The following POLK variants were observed in gnomAD, a reference collection of about 807,000 sequenced individuals.
The protein encoded by POLK is DNA polymerase kappa.
In POLK, 76 loss-of-function variants were observed where a neutral mutation model predicts 94.0. That is an observed-to-expected ratio of 0.81 (90% CI 0.67 to 0.98). The LOEUF (loss-of-function observed/expected upper bound fraction) is 0.98. Among genes scored for constraint, POLK ranks in the 50% least tolerant of loss-of-function variants. The probability of loss-of-function intolerance (pLI) is 0.00; values close to 1 mark genes in which losing one functional copy is unlikely to be tolerated. For synonymous variants in POLK, 349 were observed against 325.4 expected (o/e 1.07, Z -0.78); for missense variants, 954 against 1,010.1 (o/e 0.94, Z 0.75).
chr5:75,521,779 T>C (rs896275329), intron 1 of POLK, among the ~76,000 whole-genome samples: 3 of 149,082 alleles, frequency 2.0e-5, no homozygotes, highest in Admixed American at 6.7e-5. Context: ...TTTTTTTTTT[T>C]CTGCTAGGTC....
intron 1 of POLK, among the ~76,000 whole-genome samples, chr5:75,532,649 T>C (rs1014071891): frequency 6.6e-6 from 1 of 152,258 alleles, no homozygotes; most frequent in Non-Finnish European, 1.5e-5. Flanking sequence ...TTAAGTTCTT[T>C]GAGAAATTGC....
At chr5:75,559,607 G>A (rs1351558108) in intron 3 of POLK, among the ~76,000 whole-genome samples, 2 of 142,480 alleles carry the variant, frequency 1.4e-5, no homozygotes, top group Non-Finnish European at 3.0e-5. Flanking sequence ...TACCATCATG[G>A]CTCACTACAA....
Position 75,536,741 on chromosome 5 carries a change from G to T in POLK, c.-13-10269G>T, listed in dbSNP as rs543997679. 2.6e-5 allele frequency among the ~76,000 whole-genome samples: 4 copies of T among 152,286 alleles called. No homozygotes were observed. The South Asian group carries it at 8.3e-4, about 32-fold the overall frequency. ...GTTGCCCCCCAGCTACCAGAGGCAG[G>T]GATGGGCAGGGTGACATGCTGTCTT... On this transcript the variant is annotated intron_variant, in intron 1 of 14. Transcript: ENST00000241436.
At chr5:75,563,903 A>G (rs1771126227) in intron 3 of POLK, among the ~76,000 whole-genome samples, 1 of 152,166 alleles carries the variant, frequency 6.6e-6, no homozygotes, top group African/African-American at 2.4e-5. Flanking sequence ...GTAGATGTCT[A>G]TTAGGTCTGC....
chr5:75,522,028 G>A (rs1768612133), intron 1 of POLK, among the ~76,000 whole-genome samples: 1 of 152,244 alleles, frequency 6.6e-6, no homozygotes, highest in South Asian at 2.1e-4. Flanking sequence ...TTAAAGAGCA[G>A]AGTTTCCAAG....
At chr5:75,552,474 G>A (rs754178227) in exon 3 of POLK, 4 of 1,610,666 alleles carry the variant, frequency 2.5e-6, no homozygotes, top group Admixed American at 1.7e-5. Flanking sequence ...CTCCATAGGG[G>A]TCCAGATTTT....
upstream of POLK, chr5:75,511,605 C>G (rs1768010780): frequency 6.8e-7 from 1 of 1,467,990 alleles, no homozygotes; most frequent in Non-Finnish European, 9.0e-7. Context: ...CTACCGCCGC[C>G]ATCTTCCTGC....
chr5:75,548,432 T>A lies in POLK; in HGVS notation c.135+1275T>A, dbSNP rs193280303. ...TCAAGGTTATAAAAGAATTCTTTAA[T>A]TTTTTTACCACTTTTTTGTTTCATT... On this transcript the variant is annotated intron_variant, in intron 2 of 14. Coordinates refer to ENST00000241436, the Ensembl canonical transcript of POLK. Among the ~76,000 whole-genome samples the A allele has an allele frequency of 2.4e-4, 36 of 151,010 alleles. 1 individual carries two copies. Among genetic ancestry groups the A allele is most frequent in the Admixed American group, 1.9e-3 (28 of 15,132 alleles).
At chr5:75,588,056 T>G (rs1772564631) in intron 10 of POLK, among the ~76,000 whole-genome samples, 3 of 152,296 alleles carry the variant, frequency 2.0e-5, no homozygotes, top group Middle Eastern at 3.4e-3. Flanking sequence ...AAAATTGCTA[T>G]TTTAGGTTTT....
downstream of POLK, among the ~76,000 whole-genome samples, chr5:75,605,157 A>T (rs1343041018): frequency 7.2e-6 from 1 of 138,310 alleles, no homozygotes; most frequent in Non-Finnish European, 1.6e-5. Context: ...ACACACACAC[A>T]CTACCTCTGC....
intron 3 of POLK, among the ~76,000 whole-genome samples, chr5:75,562,101 T>G (rs751217725): frequency 8.5e-5 from 13 of 152,230 alleles, no homozygotes; most frequent in Non-Finnish European, 1.2e-4. Flanking sequence ...CTTTGGGCAG[T>G]ATGGCCATTT....
intron 3 of POLK, among the ~76,000 whole-genome samples, chr5:75,559,769 G>A (rs1188207700): frequency 1.3e-5 from 2 of 151,750 alleles, no homozygotes; most frequent in African/African-American, 2.4e-5. Context: ...CAAACTCCTG[G>A]CCTCAAGCTA....
At chr5:75,571,467 A>G (rs1442413218) in intron 4 of POLK, among the ~76,000 whole-genome samples, 1 of 152,204 alleles carries the variant, frequency 6.6e-6, no homozygotes, top group Non-Finnish European at 1.5e-5. Flanking sequence ...TAATTTGAGC[A>G]GAGTGCGATG....
downstream of POLK, among the ~76,000 whole-genome samples, chr5:75,605,152 C>T (rs888662462): frequency 6.7e-6 from 1 of 148,242 alleles, no homozygotes; most frequent in African/African-American, 2.5e-5. Flanking sequence ...CACACACACA[C>T]ACACACTACC....
chr5:75,531,854 G>A (rs1769199044), intron 1 of POLK, among the ~76,000 whole-genome samples: 1 of 152,050 alleles, frequency 6.6e-6, no homozygotes, highest in South Asian at 2.1e-4. Flanking sequence ...TCAAGGATAT[G>A]AGCACAGCGT....
chr5:75,597,068 C>T (rs1773131532), exon 13 of POLK: 3 of 1,613,060 alleles, frequency 1.9e-6, no homozygotes, highest in Non-Finnish European at 1.7e-6. Flanking sequence ...TCAGATCTAA[C>T]CCTGTTCAAT....
intron 7 of POLK, chr5:75,581,677 T>C (rs1276157721): frequency 9.1e-6 from 4 of 441,058 alleles, no homozygotes; most frequent in African/African-American, 2.0e-5. Flanking sequence ...TACGTTTCTT[T>C]CTTTTTTTTT....
At position 75,584,743 on chromosome 5, in the gene POLK, T is replaced by C. The variant is rs1187077648; in HGVS notation, c.1060-17T>C. ...CACTTTAAAATCTATTAATAATAAA[T>C]ATTGATTCTTTTCTAGGTTTCTGGA... On this transcript the variant is annotated splice_polypyrimidine_tract_variant and intron_variant, in intron 8 of 14. Transcript: ENST00000241436. The C allele has an allele frequency of 1.5e-6, 2 of 1,371,638 alleles. No individual in the cohort carries two copies. The highest frequency in any genetic ancestry group is 2.0e-6 in the Non-Finnish European group (2 of 998,444). 85.0% of individuals were successfully genotyped at this position (1,371,638 alleles called of 1,614,324 possible). A position where few individuals can be genotyped will look rare whatever the true frequency, so the allele number is the denominator to read the frequency against.
chr5:75,535,321 C>A (rs1428320569), intron 1 of POLK, among the ~76,000 whole-genome samples: 1 of 152,192 alleles, frequency 6.6e-6, no homozygotes, highest in Non-Finnish European at 1.5e-5. Flanking sequence ...GCTGACAAGT[C>A]TGCTTGTTAG....
Sources: allele counts gnomAD v4.1 joint callset (sites outside exome capture counted in the v4.1 genomes callset), GRCh38; gene constraint gnomAD v4.1.1; transcripts MANE v1.5; gene names NCBI Gene and HGNC (gene_info 2026-07-23, HGNC 2026-07-21).